The following XPO5 variants were observed in gnomAD, a reference collection of about 807,000 sequenced individuals.
The protein encoded by XPO5 is exportin 5.
In XPO5, 46 loss-of-function variants were observed where a neutral mutation model predicts 160.6. The ratio of observed to expected loss-of-function variants is 0.29; its 90% CI spans 0.23 to 0.37. The LOEUF (loss-of-function observed/expected upper bound fraction) is 0.37, where lower values mean the gene tolerates loss of function less well. Ranked by LOEUF, XPO5 falls within the 10% of genes least tolerant of loss-of-function variation. XPO5 has a pLI of 1.00. For synonymous variants in XPO5, 537 were observed against 519.3 expected (o/e 1.03, Z -0.46); for missense variants, 1,090 against 1,463.9 (o/e 0.74, Z 4.17).
Position 43,553,390 on chromosome 6 carries a change from G to C in XPO5, c.1555C>G (p.Arg519Gly). ...FLESVITQMF[R>G]TLNREEIPVN... Reference sequence around the variant, plus strand: ...TTACTTACTTCTCTATTTAGTGTTCGAAACATCTGGGTGATAACACTTTCC... The same window carrying C: ...TTACTTACTTCTCTATTTAGTGTTCCAAACATCTGGGTGATAACACTTTCC... Residue 519 changes from arginine to glycine, a missense_variant, in exon 14 of 32, where the codon CGA becomes GGA. Coordinates refer to ENST00000265351, the MANE Select transcript of XPO5 (RefSeq NM_020750.3). 1 of 1,608,308 alleles carries C rather than the reference G, an allele frequency of 6.2e-7. No homozygotes were observed. Among genetic ancestry groups the C allele is most frequent in the Non-Finnish European group, 8.5e-7 (1 of 1,177,292 alleles).
At chr6:43,559,682 T>C (rs996071735) in intron 11 of XPO5, among the ~76,000 whole-genome samples, 2 of 152,168 alleles carry the variant, frequency 1.3e-5, no homozygotes, top group Non-Finnish European at 2.9e-5. Context: ...ATACTTATGA[T>C]ATATTAAGTA....
intron 2 of XPO5, 115 bp downstream of exon 2, chr6:43,573,365 C>A: frequency 1.5e-6 from 2 of 1,368,028 alleles, no homozygotes; most frequent in South Asian, 2.9e-5. Context: ...GGGATCATTC[C>A]TCTCTTCTTG....
intron 20 of XPO5, among the ~76,000 whole-genome samples, chr6:43,536,758 TAAAAAAAAAAAAAAAAAAA>T (rs1156884252): frequency 5.2e-5 from 1 of 19,082 alleles, no homozygotes; most frequent in African/African-American, 2.4e-4. Context: ...AGACTCTATC[TAAAAAAAAAAAAAAAAAAA>T]AAAAAAAAAA....
intron 18 of XPO5, 65 bp downstream of exon 18, chr6:43,548,196 C>T (rs1398107215): frequency 2.0e-6 from 3 of 1,480,150 alleles, no homozygotes; most frequent in Non-Finnish European, 2.7e-6. Context: ...CCACCCTGGG[C>T]CTAGCTCTTA....
chr6:43,549,275 G>A (rs1166267159), intron 17 of XPO5, among the ~76,000 whole-genome samples: 1 of 152,094 alleles, frequency 6.6e-6, no homozygotes, highest in African/African-American at 2.4e-5. Flanking sequence ...TGTTGTCCAG[G>A]CTGGTCCCGA....
rs757100351 is a variant in XPO5, at chr6:43,560,056, C to T, written c.1221+122G>A. 144 of 1,254,384 alleles carry T rather than the reference C, an allele frequency of 1.1e-4. No homozygotes were observed. In the Middle Eastern group the frequency reaches 2.1e-3, roughly 18 times the overall value. The allele number at this position is 1,254,384 out of a possible 1,614,324, so 77.7% of individuals were successfully genotyped here. A position where few individuals can be genotyped will look rare whatever the true frequency, so the allele number is the denominator to read the frequency against. On this transcript the variant is annotated intron_variant, in intron 11 of 31. Coordinates refer to ENST00000265351, the MANE Select transcript of XPO5 (RefSeq NM_020750.3). ...CTGGTCTCCAACTCCTGGGCTCAAGCGATCCTCCCGCCTCAGCCTTCCATA... is the reference window on the plus strand; with the variant it reads ...CTGGTCTCCAACTCCTGGGCTCAAGTGATCCTCCCGCCTCAGCCTTCCATA...
chr6:43,569,378 A>G (rs902882738), intron 5 of XPO5, among the ~76,000 whole-genome samples: 1 of 152,066 alleles, frequency 6.6e-6, no homozygotes, highest in Non-Finnish European at 1.5e-5. Context: ...ATATACAAAT[A>G]TGGTTGATTT....
In XPO5 at chr6:43,573,193, G is replaced by A. The variant is rs576138424; in HGVS notation, c.227+287C>T. ...GCATTACTCTAAAAAGGCTTCGAGG[G>A]CTAATGACATATAGTCAGAGCTCAG... is the stretch of plus-strand genomic sequence containing the variant. On this transcript the variant is annotated intron_variant, in intron 2 of 31. Coordinates refer to ENST00000265351, the MANE Select transcript of XPO5 (RefSeq NM_020750.3). 1.1e-4 allele frequency among the ~76,000 whole-genome samples: 17 copies of A among 152,294 alleles called. No homozygotes were observed. In the South Asian group the frequency reaches 1.9e-3, roughly 17 times the overall value.
chr6:43,549,707 G>A, intron 16 of XPO5, 129 bp from the exon 17 acceptor site: 2 of 1,253,534 alleles, frequency 1.6e-6, no homozygotes, highest in Admixed American at 2.4e-5. Context: ...GAGTATAATG[G>A]AGTAACATTT....
chr6:43,573,725 G>GAC, intron 1 of XPO5, 124 bp from the exon 2 acceptor site: 4 of 1,224,790 alleles, frequency 3.3e-6, no homozygotes, highest in Non-Finnish European at 4.3e-6. Context: ...AGCACTCTGG[G>GAC]AGGCTGAGAT....
chr6:43,565,724 C>A lies in XPO5; in HGVS notation c.847G>T (p.Asp283Tyr). 6.2e-7 allele frequency: 1 copy of A among 1,608,302 alleles called. No homozygotes were observed. Among genetic ancestry groups the A allele is most frequent in the Admixed American group, 1.7e-5 (1 of 59,268 alleles). Reference protein sequence around the residue: ...IAVSRKGKLEDRKPLMVLFGD... With the variant: ...IAVSRKGKLEYRKPLMVLFGD... ...AATAAGACCATCAAGGGCTTCCGGT[C>A]TTCCAACTTGCCCTAGACCCAATTT... The change falls in exon 8 of 32, where the codon GAC becomes TAC. Residue 283 changes from aspartate (D) to tyrosine (Y), a missense_variant. Transcript: ENST00000265351.
In XPO5 at chr6:43,523,704, TG is replaced by T; in HGVS notation, c.*163del. Reference sequence around the variant, plus strand: ...CTTGATACTTTAGTATAATTACTTCTGGTCCTGCACAGGGCCTGTTCTCTCC... The same window carrying T: ...CTTGATACTTTAGTATAATTACTTCTGTCCTGCACAGGGCCTGTTCTCTCC... On this transcript the variant is annotated 3_prime_UTR_variant, in exon 32 of 32. Coordinates refer to ENST00000265351, the MANE Select transcript of XPO5 (RefSeq NM_020750.3). The T allele has an allele frequency of 9.4e-7, 1 of 1,065,610 alleles. No individual in the cohort carries two copies. The highest frequency in any genetic ancestry group is 1.5e-6 in the Non-Finnish European group (1 of 679,900). 66.0% of individuals were successfully genotyped at this position (1,065,610 alleles called of 1,614,324 possible). A position where few individuals can be genotyped will look rare whatever the true frequency, so the allele number is the denominator to read the frequency against.
At chr6:43,540,468 G>C (rs1210674779) in intron 20 of XPO5, among the ~76,000 whole-genome samples, 1 of 151,720 alleles carries the variant, frequency 6.6e-6, no homozygotes, top group Non-Finnish European at 1.5e-5. Context: ...GACAGAGCAA[G>C]ACTCCGTCTC....
chr6:43,525,762 A>G (rs1441451380), intron 28 of XPO5, 77 bp downstream of exon 28: 2 of 1,466,508 alleles, frequency 1.4e-6, no homozygotes, highest in Non-Finnish European at 1.9e-6. Context: ...TCTTGATAGC[A>G]CCATAGAGCA....
chr6:43,547,780 C>G (rs1274566096), intron 18 of XPO5, 73 bp from the exon 19 acceptor site: 15 of 1,355,044 alleles, frequency 1.1e-5, no homozygotes, highest in Non-Finnish European at 1.5e-5. Context: ...CAGGAGTTAA[C>G]AGGCTATCAT....
In XPO5 at chr6:43,524,524, C is replaced by T; in HGVS notation, c.3424G>A (p.Ala1142Thr). 1 of 1,613,918 alleles carries T rather than the reference C, an allele frequency of 6.2e-7. No homozygotes were observed. Among genetic ancestry groups the T allele is most frequent in the Non-Finnish European group, 8.5e-7 (1 of 1,179,874 alleles). The part of the protein sequence containing the change: ...KLLNPSLQKV[A>T]DKRRKDQFKR... Reference sequence around the variant, plus strand: ...AATTGGTCCTTTCGGCGCTTGTCAGCCACTTTCTGCAGGGAGGGGTTTAAA... The same window carrying T: ...AATTGGTCCTTTCGGCGCTTGTCAGTCACTTTCTGCAGGGAGGGGTTTAAA... Residue 1142 changes from alanine to threonine, a missense_variant, in exon 31 of 32, where the codon GCT (alanine) becomes ACT (threonine). Ala to Thr is a moderately conservative substitution (Grantham distance 58, BLOSUM62 0). This residue lies in a region of XPO5 where 810 missense variants were observed against 1,139.0 expected (regional missense o/e 0.71). Transcript: ENST00000265351.
intron 9 of XPO5, 148 bp from the exon 10 acceptor site, chr6:43,561,155 T>C (rs1018196651): frequency 4.6e-6 from 3 of 646,494 alleles, no homozygotes; most frequent in East Asian, 2.7e-5. Context: ...AAGAAAGGCA[T>C]CACTTCAAGG....
At chr6:43,532,054 C>G (rs572101230) in intron 21 of XPO5, among the ~76,000 whole-genome samples, 1 of 152,316 alleles carries the variant, frequency 6.6e-6, no homozygotes, top group East Asian at 1.9e-4. Flanking sequence ...CAGAAGCTAT[C>G]TGTGGGAACT....
At chr6:43,547,288 C>G (rs1795009751) in intron 19 of XPO5, 1 of 422,612 alleles carries the variant, frequency 2.4e-6, no homozygotes, top group Admixed American at 3.6e-5. Context: ...ACTTTACATG[C>G]CAGAGAGCAA....
Sources: gnomAD v4.1 joint callset for allele counts (sites outside exome capture counted in the v4.1 genomes callset) on GRCh38, gnomAD v4.1.1 for gene constraint, gnomAD v4.1.1 regional missense constraint, MANE v1.5 for transcripts, NCBI Gene and HGNC (gene_info 2026-07-23, HGNC 2026-07-21) for gene names.